Variants in PARN observed in about 807,000 individuals in gnomAD.
PARN encodes the protein poly(A)-specific ribonuclease.
A neutral mutation model predicts 102.8 loss-of-function variants in PARN; 71 were observed. That is an observed-to-expected ratio of 0.69 (90% CI 0.57 to 0.84). The LOEUF is 0.84. Among genes scored for constraint, PARN ranks in the 40% least tolerant of loss-of-function variants. The probability of loss-of-function intolerance (pLI) is 0.00; values close to 1 mark genes in which losing one functional copy is unlikely to be tolerated. For synonymous variants in PARN, 261 were observed against 252.9 expected, an observed-to-expected ratio of 1.03 and a Z score of -0.30; for missense variants, 782 against 760.9, an observed-to-expected ratio of 1.03 and a Z score of -0.33.
intron 12 of PARN, among the ~76,000 whole-genome samples, chr16:14,597,848 T>C (rs1324605111): frequency 1.3e-5 from 2 of 151,910 alleles, no homozygotes; most frequent in Admixed American, 6.6e-5. Context: ...CATTCAAAAG[T>C]ATCCAAGTTA....
Position 14,435,941 on chromosome 16 carries a change from C to CACACACACAG in PARN, c.*775_*776insCTGTGTGTGT, listed in dbSNP as rs1278315469. ...ACACACACACACACACACACACACA[C>CACACACACAG]ACAGACACGTACGCACACACGCTGC... is the stretch of plus-strand genomic sequence containing the variant. On this transcript the variant is annotated 3_prime_UTR_variant, in exon 24 of 24. Transcript: ENST00000437198. The CACACACACAG allele has an allele frequency of 1.4e-5, 2 of 146,428 alleles. No individual in the cohort carries two copies. Among genetic ancestry groups the CACACACACAG allele is most frequent in the Non-Finnish European group, 3.0e-5 (2 of 66,456 alleles). The allele number at this position is 146,428 out of a possible 1,614,324, so 9.1% of individuals were successfully genotyped here.
At chr16:14,596,641 G>C (rs1214105647) in intron 12 of PARN, among the ~76,000 whole-genome samples, 1 of 152,062 alleles carries the variant, frequency 6.6e-6, no homozygotes, top group Non-Finnish European at 1.5e-5. Context: ...TGCTCAGGAG[G>C]CTAAGGAGGA....
intron 21 of PARN, among the ~76,000 whole-genome samples, chr16:14,487,137 A>C (rs543979730): frequency 6.6e-5 from 10 of 152,364 alleles, no homozygotes. Context: ...GTCTCTTGAC[A>C]CTGCACACAG....
intron 18 of PARN, among the ~76,000 whole-genome samples, chr16:14,559,537 G>A (rs1358727357): frequency 6.6e-6 from 1 of 151,494 alleles, no homozygotes; most frequent in African/African-American, 2.4e-5. Flanking sequence ...ATCCCCTCAA[G>A]CATTTATCCT....
At chr16:14,498,905 T>A (rs139125198) in intron 21 of PARN, among the ~76,000 whole-genome samples, 1 of 152,356 alleles carries the variant, frequency 6.6e-6, no homozygotes, top group Non-Finnish European at 1.5e-5. Context: ...AATGACTAAT[T>A]TATTTCATTG....
intron 21 of PARN, among the ~76,000 whole-genome samples, chr16:14,484,390 C>T (rs1397681997): frequency 6.6e-6 from 1 of 152,186 alleles, no homozygotes. Context: ...ACTATCACTG[C>T]CAACAACTAT....
At chr16:14,563,062 A>G (rs1968176258) in intron 18 of PARN, among the ~76,000 whole-genome samples, 1 of 152,236 alleles carries the variant, frequency 6.6e-6, no homozygotes, top group African/African-American at 2.4e-5. Context: ...GCATGCAAGC[A>G]GTCCTAAAGG....
intron 22 of PARN, among the ~76,000 whole-genome samples, chr16:14,477,030 A>C (rs1473248154): frequency 6.6e-6 from 1 of 152,258 alleles, no homozygotes; most frequent in Non-Finnish European, 1.5e-5. Context: ...TAAATGGCAG[A>C]GATTGCCAGA....
intron 21 of PARN, among the ~76,000 whole-genome samples, chr16:14,508,169 TAGGCAGGC>T (rs141732478): frequency 2.0e-5 from 3 of 151,796 alleles, no homozygotes; most frequent in Admixed American, 1.3e-4. Flanking sequence ...ACAAATAACA[TAGGCAGGC>T]AGGCAGGCAG....
In PARN at chr16:14,583,535, T is replaced by A. The variant is rs139957947; in HGVS notation, c.1081+812A>T. Among the ~76,000 whole-genome samples the A allele has an allele frequency of 2.6e-3, 402 of 152,358 alleles. 2 individuals are homozygous for A. Among genetic ancestry groups the A allele is most frequent in the Middle Eastern group, 0.01 (3 of 294 alleles). ...TTTCCAAAATCAATTATTTCCATTA[T>A]ATTGTTATAGAAAAGGTCCACGTTT... is the stretch of plus-strand genomic sequence containing the variant. On this transcript the variant is annotated intron_variant, in intron 16 of 23. Coordinates refer to ENST00000437198, the MANE Select transcript of PARN (RefSeq NM_002582.4).
intron 18 of PARN, among the ~76,000 whole-genome samples, chr16:14,576,507 G>A (rs1393622749): frequency 6.6e-6 from 1 of 152,240 alleles, no homozygotes. Context: ...GCAAACGTCT[G>A]ATTTTGTGCT....
intron 21 of PARN, among the ~76,000 whole-genome samples, chr16:14,490,320 G>GTGT (rs1963992912): frequency 6.6e-6 from 1 of 152,208 alleles, no homozygotes; most frequent in Non-Finnish European, 1.5e-5. Flanking sequence ...AAGATTACAT[G>GTGT]TGTAGGCTGG....
chr16:14,561,946 G>A (rs566584376), intron 18 of PARN, among the ~76,000 whole-genome samples: 6 of 152,318 alleles, frequency 3.9e-5, no homozygotes, highest in Admixed American at 1.3e-4. Flanking sequence ...GAGGTCAAGA[G>A]TTCCAGACTG....
intron 21 of PARN, among the ~76,000 whole-genome samples, chr16:14,496,042 G>A (rs1301570498): frequency 5.3e-5 from 8 of 152,196 alleles, no homozygotes. Context: ...TCCAACTAGT[G>A]CTAACAATCT....
intron 18 of PARN, among the ~76,000 whole-genome samples, chr16:14,555,953 C>A (rs1446719244): frequency 6.6e-6 from 1 of 151,996 alleles, no homozygotes; most frequent in East Asian, 1.9e-4. Context: ...GCAACCTCTA[C>A]CTCCCCAGTT....
chr16:14,511,006 G>A (rs1965158469), intron 21 of PARN, among the ~76,000 whole-genome samples: 1 of 152,188 alleles, frequency 6.6e-6, no homozygotes, highest in Admixed American at 6.5e-5. Context: ...CTATAGGATT[G>A]CTCAATCAAG....
intron 21 of PARN, among the ~76,000 whole-genome samples, chr16:14,541,712 A>C (rs200551895): frequency 6.6e-6 from 1 of 152,056 alleles, no homozygotes; most frequent in African/African-American, 2.4e-5. Context: ...CCTGACCTCA[A>C]GTGATCCACC....
intron 22 of PARN, among the ~76,000 whole-genome samples, chr16:14,451,843 T>TAAAAAAAAA (rs1184998225): frequency 9.0e-4 from 49 of 54,568 alleles, no homozygotes; most frequent in South Asian, 1.3e-3. Context: ...ACCCCGTCTC[T>TAAAAAAAAA]AAAAAAAAAA....
At chr16:14,568,256 A>G (rs1299320708) in intron 18 of PARN, among the ~76,000 whole-genome samples, 1 of 139,274 alleles carries the variant, frequency 7.2e-6, no homozygotes, top group Non-Finnish European at 1.5e-5. Flanking sequence ...CCTGTTGCCC[A>G]GGCTGCGGTG....
Sources: gnomAD v4.1 joint callset for allele counts (sites outside exome capture counted in the v4.1 genomes callset) on GRCh38, gnomAD v4.1.1 for gene constraint, MANE v1.5 for transcripts, NCBI Gene and HGNC (gene_info 2026-07-23, HGNC 2026-07-21) for gene names.